SLCO6A1: variants seen among roughly 807,000 people sequenced by gnomAD.
SLCO6A1 encodes the protein cancer/testis antigen 48.
In SLCO6A1, 65 loss-of-function variants were observed where a neutral mutation model predicts 72.7. That is an observed-to-expected ratio of 0.89 (90% CI 0.73 to 1.10). The LOEUF (loss-of-function observed/expected upper bound fraction) is 1.10. Ranked by LOEUF, SLCO6A1 falls within the 50% of genes least tolerant of loss-of-function variation. The pLI is 0.00. For missense variants in SLCO6A1, 874 were observed against 872.6 expected (o/e 1.00, Z -0.02); for synonymous variants, 314 against 298.2 (o/e 1.05, Z -0.55).
chr5:102,420,460 G>A (rs199522164), intron 7 of SLCO6A1, among the ~76,000 whole-genome samples: 5 of 152,062 alleles, frequency 3.3e-5, no homozygotes, highest in East Asian at 3.9e-4. Flanking sequence ...TTAGTTCTAT[G>A]AATGAACGTT....
intron 12 of SLCO6A1, among the ~76,000 whole-genome samples, chr5:102,387,603 T>C (rs1040081679): frequency 2.6e-5 from 4 of 152,346 alleles, no homozygotes; most frequent in African/African-American, 7.2e-5. Flanking sequence ...TAGGTCAAGC[T>C]TGCTGAATAC....
intron 7 of SLCO6A1, among the ~76,000 whole-genome samples, chr5:102,435,050 C>T (rs1181189589): frequency 1.3e-5 from 2 of 152,220 alleles, no homozygotes; most frequent in African/African-American, 4.8e-5. Flanking sequence ...TCCAGCTCCT[C>T]TTCCAGTCTA....
intron 6 of SLCO6A1, among the ~76,000 whole-genome samples, chr5:102,440,477 G>C (rs957582713): frequency 1.3e-5 from 2 of 152,148 alleles, no homozygotes; most frequent in Non-Finnish European, 2.9e-5. Context: ...TCTAGTGGCA[G>C]GAAAACAAGC....
chr5:102,421,762 C>T (rs565891518), intron 7 of SLCO6A1, among the ~76,000 whole-genome samples: 3 of 152,300 alleles, frequency 2.0e-5, no homozygotes, highest in South Asian at 2.1e-4. Context: ...GCACAATGCT[C>T]GAGCTCTGCT....
intron 6 of SLCO6A1, among the ~76,000 whole-genome samples, chr5:102,455,494 T>C (rs2112742028): frequency 6.6e-6 from 1 of 152,274 alleles, no homozygotes; most frequent in South Asian, 2.1e-4. Flanking sequence ...AATGTCTATA[T>C]TGTAGACCTT....
chr5:102,419,276 AT>A (rs1748457412), intron 8 of SLCO6A1, among the ~76,000 whole-genome samples: 1 of 152,202 alleles, frequency 6.6e-6, no homozygotes, highest in Non-Finnish European at 1.5e-5. Context: ...AAACTAATCC[AT>A]TGTTGCTCAA....
In SLCO6A1 at chr5:102,413,165, T is replaced by C. The variant is rs375880558; in HGVS notation, c.1473-22A>G. 29 of 1,530,870 alleles carry C rather than the reference T, an allele frequency of 1.9e-5. No individual in the cohort carries two copies. The African/African-American group carries it at 4.0e-4, about 21-fold the overall frequency. The allele number at this position is 1,530,870 out of a possible 1,614,324, so 94.8% of individuals were successfully genotyped here. ...TGTTCTGTAAAAACAAGATTGAATG[T>C]AATCATATTACCATTGTTTTATAAT... On this transcript the variant is annotated intron_variant, in intron 8 of 13. Transcript: ENST00000506729.
intron 1 of SLCO6A1, among the ~76,000 whole-genome samples, chr5:102,487,097 A>G (rs1752477097): frequency 2.6e-5 from 4 of 152,220 alleles, no homozygotes; most frequent in Admixed American, 2.6e-4. Flanking sequence ...TTTGGAATTG[A>G]AAATGAGCAA....
At chr5:102,401,157 A>C (rs1468718562) in intron 9 of SLCO6A1, among the ~76,000 whole-genome samples, 1 of 152,112 alleles carries the variant, frequency 6.6e-6, no homozygotes, top group African/African-American at 2.4e-5. Flanking sequence ...TGAGTGGACC[A>C]CATGGTTATC....
chr5:102,439,130 A>AT (rs758115095), intron 6 of SLCO6A1, among the ~76,000 whole-genome samples: 48 of 152,012 alleles, frequency 3.2e-4, no homozygotes, highest in Non-Finnish European at 6.6e-4. Context: ...TTCTCTACTT[A>AT]TTTTTTTAAG....
chr5:102,475,738 T>G lies in SLCO6A1; in HGVS notation c.858A>C (p.Ala286=), dbSNP rs1312829453. 1 of 1,608,372 alleles carries G rather than the reference T, an allele frequency of 6.2e-7. No homozygotes were observed. The highest frequency in any genetic ancestry group is 8.5e-7 in the Non-Finnish European group (1 of 1,177,066). The change falls in exon 4 of 14, where the codon GCA becomes GCC. Residue 286 remains alanine, a synonymous_variant. Coordinates refer to ENST00000506729, the MANE Select transcript of SLCO6A1 (RefSeq NM_173488.5). ...TATTCTCAGGGACTTTAACTAGTGGTGCTCCTAGCACATAACCCAGAGCAT... is the reference window on the plus strand; with the variant it reads ...TATTCTCAGGGACTTTAACTAGTGGGGCTCCTAGCACATAACCCAGAGCAT... ...IGYALGYVLG[A]PLVKVPENTT... is the part of the protein sequence containing the mutation.
chr5:102,419,380 A>G (rs551355098), intron 8 of SLCO6A1, among the ~76,000 whole-genome samples: 7 of 152,232 alleles, frequency 4.6e-5, no homozygotes, highest in South Asian at 4.1e-4. Context: ...GCTTTGCCCA[A>G]TTCTTCGAAT....
intron 7 of SLCO6A1, among the ~76,000 whole-genome samples, chr5:102,428,950 G>A (rs1431106167): frequency 2.0e-5 from 3 of 151,962 alleles, no homozygotes; most frequent in Non-Finnish European, 2.9e-5. Flanking sequence ...CTGCAACCTC[G>A]CCAGCACTTG....
At chr5:102,451,503 CATG>C (rs1213411486) in intron 6 of SLCO6A1, among the ~76,000 whole-genome samples, 1 of 152,174 alleles carries the variant, frequency 6.6e-6, no homozygotes, top group Non-Finnish European at 1.5e-5. Context: ...TGGGATTTGG[CATG>C]TACCTGAACA....
chr5:102,450,271 C>A (rs1181717809), intron 6 of SLCO6A1, among the ~76,000 whole-genome samples: 1 of 152,166 alleles, frequency 6.6e-6, no homozygotes, highest in Non-Finnish European at 1.5e-5. Context: ...TTCCTTTAAC[C>A]ATGGTGTAAT....
chr5:102,464,027 TGGGGACTTGCAGGGAA>T (rs1751186202), intron 4 of SLCO6A1, among the ~76,000 whole-genome samples: 1 of 151,960 alleles, frequency 6.6e-6, no homozygotes, highest in Non-Finnish European at 1.5e-5. Flanking sequence ...TAATGGACTT[TGGGGACTTGCAGGGAA>T]GGGTAGGATG....
intron 6 of SLCO6A1, 45 bp downstream of exon 6, chr5:102,458,337 C>A: frequency 7.3e-7 from 1 of 1,369,928 alleles, no homozygotes; most frequent in East Asian, 2.3e-5. Flanking sequence ...GAAAATTAAA[C>A]AGGTCAACTT....
At chr5:102,424,450 T>C (rs532010638) in intron 7 of SLCO6A1, among the ~76,000 whole-genome samples, 1 of 152,102 alleles carries the variant, frequency 6.6e-6, no homozygotes, top group African/African-American at 2.4e-5. Flanking sequence ...TCACCACTGA[T>C]CTCACAATAA....
intron 7 of SLCO6A1, among the ~76,000 whole-genome samples, chr5:102,436,547 A>G (rs1749546702): frequency 6.6e-6 from 1 of 152,150 alleles, no homozygotes; most frequent in Non-Finnish European, 1.5e-5. Flanking sequence ...ATAACAGCTA[A>G]CTTACAGGGA....
Sources: gnomAD v4.1 joint callset for allele counts (sites outside exome capture counted in the v4.1 genomes callset) on GRCh38, gnomAD v4.1.1 for gene constraint, MANE v1.5 for transcripts, NCBI Gene and HGNC (gene_info 2026-07-23, HGNC 2026-07-21) for gene names.